HAPLN1: variants seen among roughly 807,000 people sequenced by gnomAD.
HAPLN1 encodes Cartilage link protein.
HAPLN1 carries 13 observed loss-of-function variants against 36.5 expected under a neutral mutation model. That is an observed-to-expected ratio of 0.36 (90% CI 0.23 to 0.57). The LOEUF (loss-of-function observed/expected upper bound fraction) is 0.57. Among genes scored for constraint, HAPLN1 ranks in the 20% least tolerant of loss-of-function variants. The pLI is 0.83. For missense variants in HAPLN1, 407 were observed against 439.7 expected (o/e 0.93, Z 0.66); for synonymous variants, 202 against 169.8 (o/e 1.19, Z -1.48).
chr5:83,643,573 G>A (rs1352349277), intron 4 of HAPLN1, among the ~76,000 whole-genome samples: 1 of 151,816 alleles, frequency 6.6e-6, no homozygotes, highest in African/African-American at 2.4e-5. Flanking sequence ...TAACAGTTTT[G>A]AACAAGGAGC....
At chr5:83,691,303 G>A (rs1350959153) in intron 1 of HAPLN1, among the ~76,000 whole-genome samples, 1 of 151,898 alleles carries the variant, frequency 6.6e-6, no homozygotes, top group Non-Finnish European at 1.5e-5. Context: ...AGTTAACTTA[G>A]GATGTTTAGA....
chr5:83,695,251 GA>G (rs1751367011), intron 1 of HAPLN1, among the ~76,000 whole-genome samples: 1 of 151,828 alleles, frequency 6.6e-6, no homozygotes, highest in African/African-American at 2.4e-5. Flanking sequence ...TCAGCCTCCC[GA>G]GTAGCTGGGA....
chr5:83,657,324 C>T (rs1210984897), intron 2 of HAPLN1, among the ~76,000 whole-genome samples: 1 of 152,122 alleles, frequency 6.6e-6, no homozygotes, highest in Non-Finnish European at 1.5e-5. Context: ...TCTAGAACTC[C>T]TGACCTCAGG....
At chr5:83,641,888 A>G in intron 4 of HAPLN1, 103 bp from the exon 5 acceptor site, 3 of 1,196,438 alleles carry the variant, frequency 2.5e-6, no homozygotes, top group Non-Finnish European at 3.6e-6. Flanking sequence ...AGGGGGATAT[A>G]GAGCAATGTT....
intron 1 of HAPLN1, among the ~76,000 whole-genome samples, chr5:83,678,151 A>G (rs1750902729): frequency 6.6e-6 from 1 of 151,970 alleles, no homozygotes; most frequent in Non-Finnish European, 1.5e-5. Context: ...CAATTCTTGG[A>G]AATAACACCA....
chr5:83,677,974 C>A (rs1308357849), intron 1 of HAPLN1, among the ~76,000 whole-genome samples: 3 of 152,284 alleles, frequency 2.0e-5, no homozygotes, highest in East Asian at 3.9e-4. Flanking sequence ...GCCCCTGATA[C>A]ACTGAATCAG....
intron 1 of HAPLN1, among the ~76,000 whole-genome samples, chr5:83,675,980 A>G (rs1750850707): frequency 6.6e-6 from 1 of 152,212 alleles, no homozygotes; most frequent in Non-Finnish European, 1.5e-5. Context: ...ACTTACAACT[A>G]TGATCTTAAG....
intron 1 of HAPLN1, among the ~76,000 whole-genome samples, chr5:83,704,656 G>A (rs1474449884): frequency 1.3e-5 from 2 of 152,144 alleles, no homozygotes; most frequent in Non-Finnish European, 2.9e-5. Context: ...AACTAACGAA[G>A]AAGGGCATTA....
chr5:83,688,586 A>T (rs1273594715), intron 1 of HAPLN1, among the ~76,000 whole-genome samples: 5 of 146,388 alleles, frequency 3.4e-5, no homozygotes, highest in African/African-American at 1.3e-4. Context: ...TTTTGTGGGC[A>T]TTCACGATTT....
At chr5:83,650,054 T>C (rs1316318004) in intron 3 of HAPLN1, among the ~76,000 whole-genome samples, 1 of 152,240 alleles carries the variant, frequency 6.6e-6, no homozygotes, top group East Asian at 1.9e-4. Context: ...TCCTAGCTTA[T>C]CGCTCCAATA....
chr5:83,718,652 T>G (rs750518334), intron 1 of HAPLN1, among the ~76,000 whole-genome samples: 4 of 152,182 alleles, frequency 2.6e-5, no homozygotes, highest in Non-Finnish European at 5.9e-5. Context: ...TTAAATGACA[T>G]AGACTAAGTA....
chr5:83,676,226 G>T (rs181599451), intron 1 of HAPLN1, among the ~76,000 whole-genome samples: 2 of 115,058 alleles, frequency 1.7e-5, no homozygotes, highest in African/African-American at 7.3e-5. Context: ...ACAGAGATAC[G>T]CACACATACA....
At chr5:83,654,234 G>T (rs1475813289) in intron 2 of HAPLN1, among the ~76,000 whole-genome samples, 2 of 152,156 alleles carry the variant, frequency 1.3e-5, no homozygotes, top group East Asian at 3.8e-4. Flanking sequence ...GCCTCAAAAA[G>T]CTGAAAAGTT....
At chr5:83,644,762 A>G (rs1367477452) in intron 3 of HAPLN1, 97 bp from the exon 4 acceptor site, 1 of 844,870 alleles carries the variant, frequency 1.2e-6, no homozygotes, top group Non-Finnish European at 1.6e-6. Context: ...CAGACCCTCC[A>G]TCAGATGAGA....
rs5869195 is a variant in HAPLN1 at position 83,650,632 on chromosome 5, C to CT, written c.472+1820dup. Reference sequence around the variant, plus strand: ...GAGCCTAGGAGAAAAAAATTCTTTTCTTTTTTTTTTTTTTTTTTTTGAGAT... The same window carrying CT: ...GAGCCTAGGAGAAAAAAATTCTTTTCTTTTTTTTTTTTTTTTTTTTTGAGAT... On this transcript the variant is annotated intron_variant, in intron 3 of 4. Transcript: ENST00000274341. Among the ~76,000 whole-genome samples, 278 of 103,694 alleles carry CT rather than the reference C, an allele frequency of 2.7e-3. 1 individual carries two copies. The highest frequency in any genetic ancestry group is 0.015 in the Middle Eastern group (3 of 194). The allele number at this position is 103,694 out of a possible 152,430, so 68.0% of individuals were successfully genotyped here.
chr5:83,652,163 G>A (rs1335474035), intron 3 of HAPLN1: 3 of 373,190 alleles, frequency 8.0e-6, no homozygotes, highest in Non-Finnish European at 1.4e-5. Context: ...ATGGAATTTA[G>A]ATGATTTTGA....
intron 1 of HAPLN1, among the ~76,000 whole-genome samples, chr5:83,695,635 A>ATAG: frequency 6.9e-6 from 1 of 145,446 alleles, no homozygotes; most frequent in Non-Finnish European, 1.5e-5. Flanking sequence ...TATATAGATA[A>ATAG]ATATATTTAT....
chr5:83,662,093 G>A (rs913015598), intron 2 of HAPLN1, among the ~76,000 whole-genome samples: 3 of 152,052 alleles, frequency 2.0e-5, no homozygotes, highest in African/African-American at 7.2e-5. Context: ...AGTAGAGATG[G>A]GGTTTTGCCA....
intron 1 of HAPLN1, among the ~76,000 whole-genome samples, chr5:83,700,906 TAAC>T (rs1751494305): frequency 2.0e-5 from 3 of 152,200 alleles, no homozygotes. Flanking sequence ...AACTCTGCAT[TAAC>T]ATTTATTTTC....
Sources: gnomAD v4.1 joint callset for allele counts (sites outside exome capture counted in the v4.1 genomes callset) on GRCh38, gnomAD v4.1.1 for gene constraint, MANE v1.5 for transcripts, NCBI Gene and HGNC (gene_info 2026-07-23, HGNC 2026-07-21) for gene names.